SPTLC3: variants seen among roughly 807,000 people sequenced by gnomAD.
SPTLC3 encodes serine palmitoyltransferase long chain base subunit 3.
A neutral mutation model predicts 59.3 loss-of-function variants in SPTLC3; 36 were observed. That is an observed-to-expected ratio of 0.61 (90% CI 0.47 to 0.80). The LOEUF (loss-of-function observed/expected upper bound fraction) is 0.80. Among genes scored for constraint, SPTLC3 ranks in the 30% least tolerant of loss-of-function variants. The pLI is 0.00. For synonymous variants in SPTLC3, 257 were observed against 240.8 expected (o/e 1.07, Z -0.62); for missense variants, 625 against 685.1 (o/e 0.91, Z 0.98).
At chr20:13,031,191 A>G (rs971948956) in intron 1 of SPTLC3, among the ~76,000 whole-genome samples, 1 of 152,176 alleles carries the variant, frequency 6.6e-6, no homozygotes, top group Non-Finnish European at 1.5e-5. Context: ...AGAACTTCCT[A>G]TGATGATGGA....
intron 11 of SPTLC3, among the ~76,000 whole-genome samples, chr20:13,162,858 T>C (rs138313051): frequency 1.2e-3 from 184 of 152,206 alleles, no homozygotes; most frequent in African/African-American, 4.2e-3. Context: ...GCCACTCCCA[T>C]CTTCCTGTCA....
At chr20:13,136,604 C>CATATATATATATATATAT (rs113062136) in intron 9 of SPTLC3, among the ~76,000 whole-genome samples, 3 of 136,072 alleles carry the variant, frequency 2.2e-5, no homozygotes, top group African/African-American at 7.7e-5. Context: ...CATCTAAAAA[C>CATATATATATATATATAT]ATATATATAT....
chr20:13,102,419 G>A (rs1188103668), intron 6 of SPTLC3, among the ~76,000 whole-genome samples: 2 of 152,172 alleles, frequency 1.3e-5, no homozygotes, highest in African/African-American at 4.8e-5. Context: ...CATCTATAAA[G>A]TGGTGAAGTG....
chr20:13,123,270 G>A lies in SPTLC3; in HGVS notation c.1153-3321G>A, dbSNP rs148373982. ...TGCTGGAGCCCAGGAGACGAAGGTT[G>A]CAGTGAGCCAAGGTCATGCCACTGC... is the stretch of plus-strand genomic sequence containing the variant. On this transcript the variant is annotated intron_variant, in intron 8 of 11. Transcript: ENST00000399002. Among the ~76,000 whole-genome samples the A allele has an allele frequency of 5.8e-3, 874 of 151,870 alleles. 12 individuals are homozygous for A. Among genetic ancestry groups the A allele is most frequent in the African/African-American group, 0.02 (833 of 41,316 alleles).
intron 9 of SPTLC3, among the ~76,000 whole-genome samples, chr20:13,137,439 A>AT (rs1420326646): frequency 2.6e-5 from 4 of 152,014 alleles, no homozygotes; most frequent in Non-Finnish European, 4.4e-5. Flanking sequence ...GAAGTGATGG[A>AT]TTTTTTATTC....
intron 4 of SPTLC3, among the ~76,000 whole-genome samples, chr20:13,075,803 C>A (rs1988626197): frequency 1.3e-5 from 2 of 152,084 alleles, no homozygotes. Context: ...TGTTAATGAC[C>A]AGCCAGAAGA....
intron 7 of SPTLC3, among the ~76,000 whole-genome samples, chr20:13,116,938 G>A (rs1468864236): frequency 1.3e-5 from 2 of 152,196 alleles, no homozygotes; most frequent in Non-Finnish European, 2.9e-5. Context: ...ACAGAAAGAG[G>A]AGACACCTCG....
chr20:13,037,087 G>A (rs190905305), intron 1 of SPTLC3, among the ~76,000 whole-genome samples: 75 of 152,252 alleles, frequency 4.9e-4, no homozygotes, highest in Admixed American at 9.2e-4. Context: ...GAAGGTTGCT[G>A]TAATTCCAGA....
At chr20:13,065,371 CTT>C in intron 2 of SPTLC3, among the ~76,000 whole-genome samples, 1 of 149,486 alleles carries the variant, frequency 6.7e-6, no homozygotes, top group Non-Finnish European at 1.5e-5. Flanking sequence ...TGCTTTTTAC[CTT>C]ATATTCTAGT....
intron 9 of SPTLC3, 68 bp downstream of exon 9, chr20:13,126,785 C>T (rs926774343): frequency 8.2e-6 from 13 of 1,578,072 alleles, no homozygotes; most frequent in Admixed American, 5.4e-5. Flanking sequence ...TTAATCTCCC[C>T]GCTTCTCAAA....
intron 9 of SPTLC3, among the ~76,000 whole-genome samples, chr20:13,137,944 G>C (rs1280914943): frequency 6.6e-6 from 1 of 152,148 alleles, no homozygotes; most frequent in East Asian, 1.9e-4. Context: ...AACAGGTGCA[G>C]AGCCAAAACT....
At chr20:13,082,831 A>G (rs988306380) in intron 4 of SPTLC3, among the ~76,000 whole-genome samples, 1 of 152,196 alleles carries the variant, frequency 6.6e-6, no homozygotes, top group Non-Finnish European at 1.5e-5. Flanking sequence ...TATATTAAGA[A>G]TACAAACTTC....
At chr20:13,026,832 A>T (rs1986170866) in intron 1 of SPTLC3, among the ~76,000 whole-genome samples, 1 of 152,214 alleles carries the variant, frequency 6.6e-6, no homozygotes, top group East Asian at 1.9e-4. Context: ...AAACTGTTAC[A>T]TGTCAGACAC....
intron 6 of SPTLC3, among the ~76,000 whole-genome samples, chr20:13,105,443 T>C (rs914370049): frequency 6.6e-6 from 1 of 152,178 alleles, no homozygotes. Context: ...CCGCAAAATG[T>C]ATAAAACACA....
At chr20:13,056,657 C>T (rs547141401) in intron 2 of SPTLC3, among the ~76,000 whole-genome samples, 1 of 151,822 alleles carries the variant, frequency 6.6e-6, no homozygotes, top group Non-Finnish European at 1.5e-5. Context: ...GCCATGTTGC[C>T]TAGGCTGGTC....
intron 1 of SPTLC3, among the ~76,000 whole-genome samples, chr20:13,041,999 C>T (rs771724044): frequency 6.6e-6 from 1 of 152,162 alleles, no homozygotes; most frequent in Non-Finnish European, 1.5e-5. Flanking sequence ...TACTTGCTGC[C>T]GGATTGCTCT....
At chr20:13,091,711 T>C (rs1385486042) in intron 5 of SPTLC3, among the ~76,000 whole-genome samples, 1 of 152,204 alleles carries the variant, frequency 6.6e-6, no homozygotes, top group Non-Finnish European at 1.5e-5. Flanking sequence ...GATTATATAA[T>C]TGCAGCCCTA....
chr20:13,040,073 GTGTGTA>G (rs1169803567), intron 1 of SPTLC3, among the ~76,000 whole-genome samples: 3 of 151,402 alleles, frequency 2.0e-5, no homozygotes, highest in African/African-American at 4.8e-5. Context: ...GTGTGTGTGT[GTGTGTA>G]TGTATACATA....
At chr20:13,090,178 CA>C (rs1379850531) in intron 4 of SPTLC3, among the ~76,000 whole-genome samples, 1 of 152,122 alleles carries the variant, frequency 6.6e-6, no homozygotes, top group African/African-American at 2.4e-5. Flanking sequence ...AAGAAGGGAT[CA>C]AAGGGCAAGT....
Sources: gnomAD v4.1 joint callset for allele counts (sites outside exome capture counted in the v4.1 genomes callset) on GRCh38, gnomAD v4.1.1 for gene constraint, MANE v1.5 for transcripts, NCBI Gene and HGNC (gene_info 2026-07-23, HGNC 2026-07-21) for gene names.